Variants in CDC37L1 observed in about 807,000 individuals in gnomAD.
The protein encoded by CDC37L1 is hsp90 co-chaperone Cdc37-like 1.
A neutral mutation model predicts 45.9 loss-of-function variants in CDC37L1; 32 were observed. That is an observed-to-expected ratio of 0.70 (90% confidence interval 0.53 to 0.94). The LOEUF (loss-of-function observed/expected upper bound fraction) is 0.94. Among genes scored for constraint, CDC37L1 ranks in the 40% least tolerant of loss-of-function variants. The pLI is 0.00. For missense variants in CDC37L1, 434 were observed against 405.7 expected (o/e 1.07, Z -0.60); for synonymous variants, 150 against 133.0 (o/e 1.13, Z -0.88).
At position 4,706,038 on chromosome 9, in the gene CDC37L1, A is replaced by C. The variant is rs1231600627; in HGVS notation, c.940A>C (p.Ser314Arg). 6.3e-7 allele frequency: 1 copy of C among 1,590,826 alleles called. No homozygotes were observed. The highest frequency in any genetic ancestry group is 8.6e-7 in the Non-Finnish European group (1 of 1,159,764). ...QNPDYLQYSI[S>R]TALCSLNSVV... ...TCCAGATTATCTTCAGTATTCTATC[A>C]GTACAGCTCTCTGCAGCTTAAACTC... The change falls in exon 7 of 7, where the codon AGT becomes CGT. Residue 314 changes from serine (S) to arginine (R), a missense_variant. Transcript: ENST00000381854.
At chr9:4,689,814 T>C (rs1260296195) in intron 3 of CDC37L1, among the ~76,000 whole-genome samples, 1 of 152,224 alleles carries the variant, frequency 6.6e-6, no homozygotes, top group Admixed American at 6.5e-5. Context: ...CTACAGTCCT[T>C]GCTTTCTAGG....
Position 4,706,650 on chromosome 9 carries a change from C to A in CDC37L1, c.*538C>A, listed in dbSNP as rs1375043518. 6.6e-6 allele frequency: 1 copy of A among 152,576 alleles called. No homozygotes were observed. The highest frequency in any genetic ancestry group is 1.5e-5 in the Non-Finnish European group (1 of 68,032). 9.5% of individuals were successfully genotyped at this position (152,576 alleles called of 1,614,324 possible). On this transcript the variant is annotated 3_prime_UTR_variant, in exon 7 of 7. Transcript: ENST00000381854. ...GGGGTACAATTTTTAAAAGTCTTAA[C>A]TCTTAAATACTTGACTTTCGGCACC...
At chr9:4,701,446 T>C (rs1007398178) in intron 5 of CDC37L1, among the ~76,000 whole-genome samples, 3 of 152,194 alleles carry the variant, frequency 2.0e-5, no homozygotes, top group African/African-American at 7.2e-5. Context: ...CCCTCATTAA[T>C]TGTTGGAGAA....
chr9:4,693,910 A>G (rs1477872813), intron 3 of CDC37L1, among the ~76,000 whole-genome samples: 2 of 152,228 alleles, frequency 1.3e-5, no homozygotes, highest in Non-Finnish European at 2.9e-5. Context: ...AGGGAACTGC[A>G]GTAGTAAAAT....
chr9:4,685,698 AATGAAGGCTT>A (rs1841240840), intron 2 of CDC37L1, among the ~76,000 whole-genome samples: 1 of 152,218 alleles, frequency 6.6e-6, no homozygotes, highest in African/African-American at 2.4e-5. Context: ...TGCCTTTAAG[AATGAAGGCTT>A]AGACTTTTAA....
chr9:4,703,866 T>C (rs1214378127), intron 6 of CDC37L1, among the ~76,000 whole-genome samples: 2 of 152,208 alleles, frequency 1.3e-5, no homozygotes, highest in East Asian at 3.8e-4. Flanking sequence ...CACTTCTGTA[T>C]TGCTGATATT....
At position 4,701,911 on chromosome 9, in the gene CDC37L1, T is replaced by C; in HGVS notation, c.795T>C (p.Ala265=). 1 of 1,604,950 alleles carries C rather than the reference T, an allele frequency of 6.2e-7. No individual in the cohort carries two copies. Among genetic ancestry groups the C allele is most frequent in the Non-Finnish European group, 8.5e-7 (1 of 1,176,254 alleles). The change falls in exon 6 of 7, where the codon GCT becomes GCC. Residue 265 remains alanine, a synonymous_variant. Transcript: ENST00000381854. ...AAGCATTCAAAAATGAACTTGAAGC[T>C]TTCAAGTCAAGAGTAAGACTTTATT... is the stretch of plus-strand genomic sequence containing the variant. ...YFEAFKNELE[A]FKSRVRLYSQ...
chr9:4,685,042 G>C lies in CDC37L1; in HGVS notation c.298G>C (p.Val100Leu). 1.2e-6 allele frequency: 2 copies of C among 1,614,104 alleles called. No individual in the cohort carries two copies. The highest frequency in any genetic ancestry group is 1.7e-6 in the Non-Finnish European group (2 of 1,179,956). The change falls in exon 2 of 7, where the codon GTA becomes CTA. Residue 100 changes from valine (V) to leucine (L), a missense_variant. By Grantham distance (32) the Val-to-Leu change is conservative (BLOSUM62 1). Transcript: ENST00000381854. The part of the protein sequence containing the change: ...DQEHAKAQTA[V>L]SELRQREEEW... ...GGAGCATGCCAAAGCACAAACAGCA[G>C]TATCAGAACTGAGGCAACGGGAAGA...
rs1301318992 is a variant in CDC37L1 at position 4,706,784 on chromosome 9, TAAGA to T, written c.*673_*676del. ...GAATTTGATTTTACCCTGCTGACTT[TAAGA>T]GTTATAATAATATCAAATGTGATGA... On this transcript the variant is annotated 3_prime_UTR_variant, in exon 7 of 7. Transcript: ENST00000381854. 6.6e-6 allele frequency: 1 copy of T among 152,184 alleles called. No homozygotes were observed. Among genetic ancestry groups the T allele is most frequent in the Non-Finnish European group, 1.5e-5 (1 of 68,010 alleles). 9.4% of individuals were successfully genotyped at this position (152,184 alleles called of 1,614,324 possible).
intron 5 of CDC37L1, among the ~76,000 whole-genome samples, chr9:4,698,923 T>A (rs1841372969): frequency 7.3e-6 from 1 of 136,126 alleles, no homozygotes; most frequent in South Asian, 2.5e-4. Flanking sequence ...TCTCACTAAA[T>A]TTTTTTGTTT....
rs764937582 is a variant in CDC37L1 at position 4,679,594 on chromosome 9, C to T, written c.-174C>T. ...CTTCCGCCGTCCGCCGGTGGCGAGG[C>T]CCAGGCTGTCGCCGGGTGTGCAGCG... is the stretch of plus-strand genomic sequence containing the variant. On this transcript the variant is annotated 5_prime_UTR_variant, in exon 1 of 7. Coordinates refer to ENST00000381854, the MANE Select transcript of CDC37L1 (RefSeq NM_017913.4). The T allele has an allele frequency of 3.0e-5, 17 of 565,028 alleles. No individual in the cohort carries two copies. Among genetic ancestry groups the T allele is most frequent in the Non-Finnish European group, 4.6e-5 (15 of 324,864 alleles). The allele number at this position is 565,028 out of a possible 1,614,324, so 35.0% of individuals were successfully genotyped here.
intron 3 of CDC37L1, among the ~76,000 whole-genome samples, chr9:4,690,458 G>A (rs918672872): frequency 9.2e-5 from 14 of 152,176 alleles, no homozygotes; most frequent in African/African-American, 3.1e-4. Flanking sequence ...GGTGTTCAGT[G>A]GCTAAACTGG....
rs751341398 is a variant in CDC37L1 at position 4,706,074 on chromosome 9, A to C, written c.976A>C (p.Lys326Gln). 8.7e-6 allele frequency: 14 copies of C among 1,603,324 alleles called. No homozygotes were observed. The highest frequency in any genetic ancestry group is 1.2e-5 in the Non-Finnish European group (14 of 1,170,452). The change falls in exon 7 of 7, where the codon AAA (lysine) becomes CAA (glutamine). Residue 326 changes from lysine (K) to glutamine (Q), a missense_variant. Physicochemically the swap from Lys to Gln is moderately conservative, Grantham distance 53. Coordinates refer to ENST00000381854, the MANE Select transcript of CDC37L1 (RefSeq NM_017913.4). ...ALCSLNSVVH[K>Q]EDDEPKMMDT... ...CTGCAGCTTAAACTCGGTGGTACATAAAGAAGATGATGAACCCAAAATGAT... is the reference window on the plus strand; with the variant it reads ...CTGCAGCTTAAACTCGGTGGTACATCAAGAAGATGATGAACCCAAAATGAT...
At chr9:4,682,572 G>A (rs1050351903) in intron 1 of CDC37L1, among the ~76,000 whole-genome samples, 9 of 151,970 alleles carry the variant, frequency 5.9e-5, no homozygotes, top group Non-Finnish European at 1.3e-4. Context: ...TGATCCGCCC[G>A]CCTCGGCCTC....
At chr9:4,691,788 T>C (rs140325385) in intron 3 of CDC37L1, among the ~76,000 whole-genome samples, 116 of 152,348 alleles carry the variant, frequency 7.6e-4, no homozygotes, top group African/African-American at 2.7e-3. Flanking sequence ...TTATAAAGCA[T>C]TGAAATCTGA....
intron 1 of CDC37L1, among the ~76,000 whole-genome samples, chr9:4,682,419 C>A (rs1375072240): frequency 6.6e-6 from 1 of 150,736 alleles, no homozygotes; most frequent in African/African-American, 2.5e-5. Flanking sequence ...CTCTGCCATT[C>A]TGGGTTCATG....
chr9:4,681,931 A>C (rs1328958837), intron 1 of CDC37L1, among the ~76,000 whole-genome samples: 1 of 152,190 alleles, frequency 6.6e-6, no homozygotes, highest in Non-Finnish European at 1.5e-5. Context: ...CTGTATGGTC[A>C]TGGATTAGAA....
intron 1 of CDC37L1, among the ~76,000 whole-genome samples, chr9:4,680,797 C>A (rs1340387649): frequency 6.6e-6 from 1 of 152,100 alleles, no homozygotes; most frequent in Non-Finnish European, 1.5e-5. Context: ...AAATGGGGTT[C>A]CCAAGAGTGT....
intron 6 of CDC37L1, chr9:4,703,179 C>G: frequency 7.0e-7 from 1 of 1,424,006 alleles, no homozygotes; most frequent in South Asian, 1.6e-5. Context: ...TGAGGAGAGT[C>G]CTATATTTAG....
Sources: allele counts gnomAD v4.1 joint callset (sites outside exome capture counted in the v4.1 genomes callset), GRCh38; gene constraint gnomAD v4.1.1; transcripts MANE v1.5; gene names NCBI Gene and HGNC (gene_info 2026-07-23, HGNC 2026-07-21).